Variants in AHNAK observed in about 807,000 individuals in gnomAD.
AHNAK encodes neuroblast differentiation-associated protein AHNAK.
A neutral mutation model predicts 37.8 loss-of-function variants in AHNAK; 23 were observed. That is an observed-to-expected ratio of 0.61 (90% CI 0.44 to 0.86). AHNAK has a LOEUF of 0.86. AHNAK is among the 40% of genes least tolerant of loss of function. The probability of loss-of-function intolerance (pLI) is 0.00; values close to 1 mark genes in which losing one functional copy is unlikely to be tolerated. For missense variants in AHNAK, 7,411 were observed against 7,319.4 expected, an observed-to-expected ratio of 1.01 and a Z score of -0.46; for synonymous variants, 2,481 against 2,636.3, an observed-to-expected ratio of 0.94 and a Z score of 1.80.
At chr11:62,489,758 GGAGA>G (rs1210506019) in intron 5 of AHNAK, among the ~76,000 whole-genome samples, 2 of 151,988 alleles carry the variant, frequency 1.3e-5, no homozygotes, top group Admixed American at 6.6e-5. Flanking sequence ...GAGGTTGCCC[GGAGA>G]GAGAGTCCCG....
Position 62,517,552 on chromosome 11 carries a change from G to A in AHNAK, c.16865C>T (p.Pro5622Leu). 1 of 1,614,104 alleles carries A rather than the reference G, an allele frequency of 6.2e-7. No homozygotes were observed. The highest frequency in any genetic ancestry group is 8.5e-7 in the Non-Finnish European group (1 of 1,180,026). ...TCCTTTCACACCTCCTTCCACCTTT[G>A]GTCCTGAGAAATGAAGGCCCCCAGC... ...KFAGGLHFSG[P>L]KVEGGVKGGQ... The change falls in exon 5 of 5, where the codon CCA (proline) becomes CTA (leucine). Residue 5622 changes from proline (P) to leucine (L), a missense_variant. Transcript: ENST00000378024.
At chr11:62,476,048 A>G (rs1276150041) in intron 5 of AHNAK, among the ~76,000 whole-genome samples, 4 of 152,198 alleles carry the variant, frequency 2.6e-5, no homozygotes, top group Admixed American at 2.6e-4. Context: ...CAAGTTCAAA[A>G]TGGGTTGTAA....
In AHNAK at chr11:62,516,451, T is replaced by G. The variant is rs1345748816; in HGVS notation, c.*293A>C. The G allele has an allele frequency of 4.7e-6, 6 of 1,286,068 alleles. No individual in the cohort carries two copies. The highest frequency in any genetic ancestry group is 6.0e-6 in the Non-Finnish European group (6 of 1,007,568). 79.7% of individuals were successfully genotyped at this position (1,286,068 alleles called of 1,614,324 possible). On this transcript the variant is annotated 3_prime_UTR_variant, in exon 5 of 5. Coordinates refer to ENST00000378024, the MANE Select transcript of AHNAK (RefSeq NM_001620.3). ...ATAATAAACACAAAAGCTTGCTTAG[T>G]AAACAGGAGCTCTCAGCAGTCAATG...
intron 5 of AHNAK, among the ~76,000 whole-genome samples, chr11:62,450,123 T>G (rs978968345): frequency 9.3e-5 from 13 of 139,166 alleles, no homozygotes; most frequent in African/African-American, 3.2e-4. Context: ...TTTATTTTAT[T>G]ATTTTATTTT....
chr11:62,478,400 T>C (rs1939193432), intron 5 of AHNAK, among the ~76,000 whole-genome samples: 1 of 152,214 alleles, frequency 6.6e-6, no homozygotes, highest in Non-Finnish European at 1.5e-5. Context: ...TCTTGTCCTT[T>C]ACTTCTCCCA....
chr11:62,454,545 T>C (rs1413563252), intron 5 of AHNAK, among the ~76,000 whole-genome samples: 1 of 152,022 alleles, frequency 6.6e-6, no homozygotes, highest in African/African-American at 2.4e-5. Flanking sequence ...TGTTTCATAA[T>C]GAGAGCTGGA....
Position 62,530,134 on chromosome 11 carries a change from T to G in AHNAK, c.4283A>C (p.Glu1428Ala). Reference protein sequence around the residue: ...MDAEVPDVNIEGPDAKLKGPK... With the variant: ...MDAEVPDVNIAGPDAKLKGPK... ...ACCTTTTAGTTTTGCGTCTGGACCTTCAATATTCACATCTGGAACTTCAGC... is the reference window on the plus strand; with the variant it reads ...ACCTTTTAGTTTTGCGTCTGGACCTGCAATATTCACATCTGGAACTTCAGC... Residue 1428 changes from glutamate to alanine, a missense_variant, in exon 5 of 5, where the codon GAA becomes GCA. Coordinates refer to ENST00000378024, the MANE Select transcript of AHNAK (RefSeq NM_001620.3). 6.2e-7 allele frequency: 1 copy of G among 1,614,138 alleles called. No individual in the cohort carries two copies. Among genetic ancestry groups the G allele is most frequent in the Non-Finnish European group, 8.5e-7 (1 of 1,180,022 alleles).
chr11:62,483,523 G>A (rs1397397548), intron 5 of AHNAK, among the ~76,000 whole-genome samples: 1 of 151,834 alleles, frequency 6.6e-6, no homozygotes, highest in Non-Finnish European at 1.5e-5. Context: ...TCAGGAGATC[G>A]AGACCATCCT....
rs199808199 is a variant in AHNAK at position 62,527,270 on chromosome 11, C to A, written c.7147G>T (p.Ala2383Ser). 1.1e-5 allele frequency: 17 copies of A among 1,608,332 alleles called. No homozygotes were observed. The African/African-American group carries it at 1.9e-4, about 18-fold the overall frequency. ...AGGTCTGGCATAGAGATTTTGGGAG[C>A]TTTAAAGTGCATATCTGGCATCTTG... ...KFKMPDMHFK[A>S]PKISMPDLDL... The change falls in exon 5 of 5, where the codon GCT becomes TCT. Residue 2383 changes from alanine to serine, a missense_variant. Physicochemically the swap from Ala to Ser is moderately conservative, Grantham distance 99. Transcript: ENST00000378024.
chr11:62,536,508 AGCCCGCCCCTCCTT>A lies in AHNAK; in HGVS notation c.-54_-41del. 6.2e-6 allele frequency: 1 copy of A among 162,260 alleles called. No individual in the cohort carries two copies. The highest frequency in any genetic ancestry group is 1.3e-5 in the Non-Finnish European group (1 of 75,040). The allele number at this position is 162,260 out of a possible 1,614,324, so 10.1% of individuals were successfully genotyped here. A position where few individuals can be genotyped will look rare whatever the true frequency, so the allele number is the denominator to read the frequency against. On this transcript the variant is annotated 5_prime_UTR_variant, in exon 2 of 5. Coordinates refer to ENST00000378024, the MANE Select transcript of AHNAK (RefSeq NM_001620.3). ...GCTCAGGAGCGAATGCCTTGCCAGG[AGCCCGCCCCTCCTT>A]CCTCTCTTCCCCTCAGTCTCTCTCG...
Position 62,523,951 on chromosome 11 carries a change from G to A in AHNAK, c.10466C>T (p.Ala3489Val). The A allele has an allele frequency of 6.2e-7, 1 of 1,613,582 alleles. No homozygotes were observed. The highest frequency in any genetic ancestry group is 8.5e-7 in the Non-Finnish European group (1 of 1,179,916). ...MPKFSVSGLK[A>V]EGPDVAVDLP... Reference sequence around the variant, plus strand: ...ATCCACAGCTACATCTGGCCCTTCTGCTTTTAAGCCAGACACACTGAATTT... The same window carrying A: ...ATCCACAGCTACATCTGGCCCTTCTACTTTTAAGCCAGACACACTGAATTT... Residue 3489 changes from alanine to valine, a missense_variant, in exon 5 of 5, where the codon GCA (alanine) becomes GTA (valine). Ala to Val is a moderately conservative substitution (Grantham distance 64). Coordinates refer to ENST00000378024, the MANE Select transcript of AHNAK (RefSeq NM_001620.3).
intron 5 of AHNAK, among the ~76,000 whole-genome samples, chr11:62,472,708 C>A (rs1454532885): frequency 1.3e-5 from 2 of 152,100 alleles, no homozygotes; most frequent in Non-Finnish European, 2.9e-5. Flanking sequence ...GCTTAAAATA[C>A]TGTGACAGTG....
chr11:62,531,615 G>C lies in AHNAK; in HGVS notation c.2802C>G (p.Phe934Leu). 2 of 1,609,364 alleles carry C rather than the reference G, an allele frequency of 1.2e-6. No homozygotes were observed. Among genetic ancestry groups the C allele is most frequent in the Non-Finnish European group, 1.7e-6 (2 of 1,178,398 alleles). Residue 934 changes from phenylalanine to leucine, a missense_variant, in exon 5 of 5, where the codon TTC (phenylalanine) becomes TTG (leucine). Physicochemically the swap from Phe to Leu is conservative, Grantham distance 22. Coordinates refer to ENST00000378024, the MANE Select transcript of AHNAK (RefSeq NM_001620.3). The stretch of plus-strand genomic sequence containing the variant: ...CCTTGATATTCATCTCTGGCATCTT[G>C]AACTTGGGGCCCTTCAGCTTTCCTT... ...GPEGKLKGPKFKMPEMNIKAP... is the reference protein window; with the variant it reads ...GPEGKLKGPKLKMPEMNIKAP...
intron 4 of AHNAK, among the ~76,000 whole-genome samples, chr11:62,503,886 C>T (rs965369361): frequency 2.0e-5 from 3 of 152,244 alleles, no homozygotes; most frequent in African/African-American, 7.2e-5. Flanking sequence ...CCAGGCCGGG[C>T]GTGGTGGCTT....
At chr11:62,443,033 G>A (rs186531712) in intron 5 of AHNAK, among the ~76,000 whole-genome samples, 74 of 151,214 alleles carry the variant, frequency 4.9e-4, no homozygotes, top group African/African-American at 1.4e-3. Flanking sequence ...GTGCGGTGGC[G>A]TGATCTTGGC....
intron 5 of AHNAK, among the ~76,000 whole-genome samples, chr11:62,434,172 C>T (rs577460653): frequency 1.2e-4 from 18 of 152,232 alleles, no homozygotes; most frequent in Admixed American, 4.6e-4. Context: ...TGGTGCCCCC[C>T]ATACAAGCCC....
At chr11:62,440,472 C>T (rs539351368) in intron 5 of AHNAK, among the ~76,000 whole-genome samples, 10 of 152,204 alleles carry the variant, frequency 6.6e-5, no homozygotes, top group South Asian at 2.1e-4. Flanking sequence ...CCAGAGGGAA[C>T]GGCAGACACA....
rs1269777109 is a variant in AHNAK, at chr11:62,516,949, C to T, written c.17468G>A (p.Gly5823Asp). The T allele has an allele frequency of 6.2e-7, 1 of 1,614,174 alleles. No homozygotes were observed. Among genetic ancestry groups the T allele is most frequent in the East Asian group, 2.2e-5 (1 of 44,878 alleles). ...VKGKHGKLKF[G>D]TFGGLGSKSK... Reference sequence around the variant, plus strand: ...CTTTGACCCCAATCCACCAAAGGTACCGAATTTCAGCTTCCCGTGTTTCCC... The same window carrying T: ...CTTTGACCCCAATCCACCAAAGGTATCGAATTTCAGCTTCCCGTGTTTCCC... The change falls in exon 5 of 5, where the codon GGT (glycine) becomes GAT (aspartate). Residue 5823 changes from glycine (G) to aspartate (D), a missense_variant. Coordinates refer to ENST00000378024, the MANE Select transcript of AHNAK (RefSeq NM_001620.3).
intron 5 of AHNAK, among the ~76,000 whole-genome samples, chr11:62,434,408 C>T (rs985699683): frequency 1.3e-5 from 2 of 152,148 alleles, no homozygotes; most frequent in African/African-American, 2.4e-5. Flanking sequence ...CCCTCCCTGT[C>T]GTCTCCCAGA....
Sources: allele counts gnomAD v4.1 joint callset (sites outside exome capture counted in the v4.1 genomes callset), GRCh38; gene constraint gnomAD v4.1.1; transcripts MANE v1.5; gene names NCBI Gene and HGNC (gene_info 2026-07-23, HGNC 2026-07-21).